The following PTPRT variants were observed in gnomAD, a reference collection of about 807,000 sequenced individuals.
PTPRT encodes the protein receptor-type tyrosine-protein phosphatase T.
PTPRT carries 56 observed loss-of-function variants against 176.8 expected under a neutral mutation model. The observed-to-expected ratio is 0.32, with a 90% confidence interval of 0.26 to 0.40. The LOEUF (loss-of-function observed/expected upper bound fraction) is 0.40, where lower values mean the gene tolerates loss of function less well. Among genes scored for constraint, PTPRT ranks in the 10% least tolerant of loss-of-function variants. The probability of loss-of-function intolerance (pLI) is 1.00; values close to 1 mark genes in which losing one functional copy is unlikely to be tolerated. For synonymous variants in PTPRT, 783 were observed against 739.0 expected (o/e 1.06, Z -0.96); for missense variants, 1,540 against 1,908.2 (o/e 0.81, Z 3.60).
At chr20:42,936,301 A>C (rs1323468425) in intron 1 of PTPRT, among the ~76,000 whole-genome samples, 1 of 152,206 alleles carries the variant, frequency 6.6e-6, no homozygotes, top group Non-Finnish European at 1.5e-5. Context: ...CAGGTCAAGA[A>C]GCTATCACAT....
At chr20:42,737,407 G>T (rs894232513) in intron 6 of PTPRT, among the ~76,000 whole-genome samples, 5 of 152,146 alleles carry the variant, frequency 3.3e-5, no homozygotes, top group African/African-American at 9.7e-5. Context: ...AAGGTGGGCG[G>T]ATCACCTGAC....
At chr20:42,087,382 C>T (rs1984079212) in intron 27 of PTPRT, among the ~76,000 whole-genome samples, 1 of 151,862 alleles carries the variant, frequency 6.6e-6, no homozygotes, top group Non-Finnish European at 1.5e-5. Context: ...AGGCATGTGC[C>T]ATCACACCCG....
chr20:42,085,134 CAG>C (rs1372304663), intron 28 of PTPRT, among the ~76,000 whole-genome samples: 1 of 152,146 alleles, frequency 6.6e-6, no homozygotes, highest in Non-Finnish European at 1.5e-5. Flanking sequence ...CTCTGTTGGG[CAG>C]AGTTTTTTCT....
chr20:42,215,256 G>A (rs1264664447), intron 15 of PTPRT, among the ~76,000 whole-genome samples: 1 of 152,084 alleles, frequency 6.6e-6, no homozygotes, highest in African/African-American at 2.4e-5. Flanking sequence ...TCTGGCCCTG[G>A]ACTGACTTGG....
rs982834697 is a variant in PTPRT at position 43,107,388 on chromosome 20, C to T, written c.88+82258G>A. ...AGAAAAATAAGCATTAACCCATTCA[C>T]TTGACTAATATCTCCCATAAAGTAA... On this transcript the variant is annotated intron_variant, in intron 1 of 30. Coordinates refer to ENST00000373187, the MANE Select transcript of PTPRT (RefSeq NM_007050.6). Among the ~76,000 whole-genome samples the T allele has an allele frequency of 2.0e-5, 3 of 152,226 alleles. No individual in the cohort carries two copies. In the South Asian group the frequency reaches 6.2e-4, roughly 31 times the overall value.
chr20:42,466,002 A>G (rs1164010931), intron 8 of PTPRT, among the ~76,000 whole-genome samples: 1 of 151,992 alleles, frequency 6.6e-6, no homozygotes, highest in Non-Finnish European at 1.5e-5. Flanking sequence ...TTCAGCTCCC[A>G]CTTACAAGTG....
chr20:42,214,083 G>C (rs1310221113), intron 15 of PTPRT, among the ~76,000 whole-genome samples: 2 of 152,102 alleles, frequency 1.3e-5, no homozygotes, highest in Admixed American at 6.6e-5. Context: ...CCATTTTACA[G>C]ATAAAAGAAT....
intron 7 of PTPRT, among the ~76,000 whole-genome samples, chr20:42,635,935 A>G (rs1044072556): frequency 6.6e-6 from 1 of 152,170 alleles, no homozygotes; most frequent in Non-Finnish European, 1.5e-5. Flanking sequence ...GTAGTTATAT[A>G]TAACTCATAA....
intron 3 of PTPRT, 72 bp downstream of exon 3, chr20:42,791,123 C>A: frequency 1.3e-6 from 2 of 1,504,290 alleles, no homozygotes; most frequent in Non-Finnish European, 1.8e-6. Flanking sequence ...AGACCTAGCA[C>A]CTGTAGGGAG....
At chr20:42,118,799 A>T (rs1196498540) in intron 20 of PTPRT, among the ~76,000 whole-genome samples, 3 of 152,052 alleles carry the variant, frequency 2.0e-5, no homozygotes, top group Non-Finnish European at 4.4e-5. Flanking sequence ...CCTTTCTACC[A>T]ACTCCACCTA....
At chr20:42,490,691 C>T (rs926996512) in intron 7 of PTPRT, among the ~76,000 whole-genome samples, 2 of 151,902 alleles carry the variant, frequency 1.3e-5, no homozygotes, top group Non-Finnish European at 2.9e-5. Flanking sequence ...ATTTCTTTTT[C>T]TTTCCTTAAA....
downstream of PTPRT, among the ~76,000 whole-genome samples, chr20:42,069,430 A>T (rs1482700339): frequency 6.6e-6 from 1 of 151,964 alleles, no homozygotes; most frequent in Non-Finnish European, 1.5e-5. Context: ...TTTGTGGGAG[A>T]TGGGCAGTGC....
chr20:42,704,656 G>C (rs775870411), intron 6 of PTPRT, among the ~76,000 whole-genome samples: 6 of 151,990 alleles, frequency 3.9e-5, no homozygotes, highest in Non-Finnish European at 8.8e-5. Flanking sequence ...TCTGACCCCA[G>C]GTAGACAAAA....
chr20:43,015,969 G>A (rs945961100), intron 1 of PTPRT, among the ~76,000 whole-genome samples: 16 of 148,580 alleles, frequency 1.1e-4, no homozygotes, highest in African/African-American at 2.7e-4. Flanking sequence ...AAAAGCCCAC[G>A]TCCACATTGC....
intron 8 of PTPRT, among the ~76,000 whole-genome samples, chr20:42,470,930 G>A (rs1244035508): frequency 6.6e-6 from 1 of 152,026 alleles, no homozygotes; most frequent in African/African-American, 2.4e-5. Context: ...TATGGAGGTG[G>A]GGTGGGTTTG....
intron 7 of PTPRT, among the ~76,000 whole-genome samples, chr20:42,511,343 A>C (rs2071952058): frequency 6.6e-6 from 1 of 152,126 alleles, no homozygotes; most frequent in Non-Finnish European, 1.5e-5. Context: ...TATCCTAGCC[A>C]AGACTAGTGT....
At chr20:42,056,643 T>C in the PTPRT span, among the ~76,000 whole-genome samples, 1 of 152,246 alleles carries the variant, frequency 6.6e-6, no homozygotes, top group Admixed American at 6.5e-5. Flanking sequence ...TGTGCCTGTG[T>C]GTACACACTT....
At chr20:42,384,910 C>A (rs2058730573) in intron 9 of PTPRT, among the ~76,000 whole-genome samples, 1 of 152,256 alleles carries the variant, frequency 6.6e-6, no homozygotes, top group East Asian at 1.9e-4. Flanking sequence ...GATTCAAGTT[C>A]TTTGCCCCCT....
chr20:42,682,905 TAA>T (rs1325179863), intron 6 of PTPRT, among the ~76,000 whole-genome samples: 4 of 152,154 alleles, frequency 2.6e-5, no homozygotes, highest in African/African-American at 9.7e-5. Context: ...CTACAGAGAG[TAA>T]AAGTGTTTCA....
Sources: gnomAD v4.1 joint callset for allele counts (sites outside exome capture counted in the v4.1 genomes callset) on GRCh38, gnomAD v4.1.1 for gene constraint, MANE v1.5 for transcripts, NCBI Gene and HGNC (gene_info 2026-07-23, HGNC 2026-07-21) for gene names.